The following CCDC141 variants were observed in gnomAD, a reference collection of about 807,000 sequenced individuals.
CCDC141 encodes coiled-coil domain-containing protein 141.
CCDC141 carries 168 observed loss-of-function variants against 181.0 expected under a neutral mutation model. The observed-to-expected ratio is 0.93, with a 90% CI of 0.82 to 1.05. CCDC141 has a LOEUF of 1.05. Ranked by LOEUF, CCDC141 falls within the 50% of genes least tolerant of loss-of-function variation. The pLI is 0.00. For synonymous variants in CCDC141, 666 were observed against 642.3 expected (o/e 1.04, Z -0.56); for missense variants, 1,902 against 1,788.5 (o/e 1.06, Z -1.14).
intron 2 of CCDC141, among the ~76,000 whole-genome samples, chr2:179,019,647 C>T (rs979322488): frequency 7.9e-5 from 12 of 152,110 alleles, no homozygotes; most frequent in African/African-American, 2.9e-4. Context: ...TAGGAAACTA[C>T]ACTTTAATAA....
intron 17 of CCDC141, among the ~76,000 whole-genome samples, chr2:178,860,543 CTTTTTTTTTT>C (rs71023458): frequency 0.1 from 5,275 of 51,470 alleles, 235 homozygotes; most frequent in Middle Eastern, 0.26. Context: ...AAAAACAACA[CTTTTTTTTTT>C]TTTTTTTTTT....
intron 2 of CCDC141, among the ~76,000 whole-genome samples, chr2:179,022,277 C>G (rs183547032): frequency 2.0e-5 from 3 of 152,146 alleles, no homozygotes; most frequent in African/African-American, 7.2e-5. Context: ...ACTGGGGAAT[C>G]TGAACTCTAC....
intron 1 of CCDC141, 99 bp downstream of exon 1, chr2:179,049,741 T>C (rs1437277805): frequency 3.8e-6 from 5 of 1,326,708 alleles, no homozygotes; most frequent in Non-Finnish European, 5.2e-6. Flanking sequence ...TTGTCTTCTC[T>C]ATGCTGTGTC....
chr2:178,975,122 G>C lies in CCDC141; in HGVS notation c.461C>G (p.Thr154Ser). Residue 154 changes from threonine (T) to serine (S), a missense_variant, in exon 4 of 24, where the codon ACT (threonine) becomes AGT (serine). Thr to Ser is a moderately conservative substitution (Grantham distance 58). Coordinates refer to ENST00000443758, the MANE Select transcript of CCDC141 (RefSeq NM_173648.4). ...IDQAEDFLQN[T>S]HEFESAESLK... The stretch of plus-strand genomic sequence containing the variant: ...GGACTCAGCACTCTCAAACTCATGA[G>C]TATTCTGGAGGAAATCTTCAGCTTG... 5 of 1,521,240 alleles carry C rather than the reference G, an allele frequency of 3.3e-6. No homozygotes were observed. The highest frequency in any genetic ancestry group is 4.4e-6 in the Non-Finnish European group (5 of 1,125,174). The allele number at this position is 1,521,240 out of a possible 1,614,324, so 94.2% of individuals were successfully genotyped here. A position where few individuals can be genotyped will look rare whatever the true frequency, so the allele number is the denominator to read the frequency against.
chr2:178,998,149 A>G (rs1398520952), intron 2 of CCDC141, among the ~76,000 whole-genome samples: 1 of 152,232 alleles, frequency 6.6e-6, no homozygotes, highest in Non-Finnish European at 1.5e-5. Context: ...TTTATACAGT[A>G]TTCTACAGCA....
At chr2:179,027,996 T>C (rs1452911335) in intron 2 of CCDC141, among the ~76,000 whole-genome samples, 1 of 152,196 alleles carries the variant, frequency 6.6e-6, no homozygotes, top group Non-Finnish European at 1.5e-5. Context: ...TTGTTCATTT[T>C]CACCTCCTTT....
intron 8 of CCDC141, among the ~76,000 whole-genome samples, chr2:178,893,597 T>C (rs1687257441): frequency 6.6e-6 from 1 of 152,184 alleles, no homozygotes; most frequent in Non-Finnish European, 1.5e-5. Flanking sequence ...CTTCTTTTAA[T>C]GGGAACCCGA....
chr2:178,840,471 C>T lies in CCDC141; in HGVS notation c.3475-2727G>A, dbSNP rs185874057. On this transcript the variant is annotated intron_variant, in intron 22 of 23. Transcript: ENST00000443758. ...AGACCCATCTCCCAACTCCTCAATC[C>T]CTGCTGGGGAGGAATTTATTTCCTA... 1.4e-3 allele frequency among the ~76,000 whole-genome samples: 209 copies of T among 152,256 alleles called. 5 individuals are homozygous for T. Among genetic ancestry groups the T allele is most frequent in the Non-Finnish European group, 3.7e-4 (25 of 68,028 alleles).
At chr2:178,827,657 G>A (rs1684145388), downstream of CCDC141, among the ~76,000 whole-genome samples, 1 of 152,026 alleles carries the variant, frequency 6.6e-6, no homozygotes. Flanking sequence ...AGGAAGCTGA[G>A]GTATTCTAGC....
At chr2:179,019,403 AT>A (rs1433403350) in intron 2 of CCDC141, among the ~76,000 whole-genome samples, 3 of 152,176 alleles carry the variant, frequency 2.0e-5, no homozygotes, top group African/African-American at 7.2e-5. Flanking sequence ...ATGTGAAGAC[AT>A]ATCAACACCA....
Position 178,837,578 on chromosome 2 carries a change from A to G in CCDC141, c.3641T>C (p.Ile1214Thr), listed in dbSNP as rs767577552. Reference protein sequence around the residue: ...EEYECVSPDDISLPPLPGSPE... With the variant: ...EEYECVSPDDTSLPPLPGSPE... ...GCTTCCTGGGAGAGGAGGCAAGGAG[A>G]TGTCATCAGGTGAGACACACTCATA... The change falls in exon 23 of 24, where the codon ATC becomes ACC. Residue 1214 changes from isoleucine to threonine, a missense_variant. Transcript: ENST00000443758. 1.9e-6 allele frequency: 3 copies of G among 1,613,724 alleles called. No individual in the cohort carries two copies. The highest frequency in any genetic ancestry group is 2.5e-6 in the Non-Finnish European group (3 of 1,179,890).
Position 178,853,555 on chromosome 2 carries a change from T to C in CCDC141, c.3130A>G (p.Thr1044Ala). ...RVGKYSTECKTKEAVKILHQQ... is the reference protein window; with the variant it reads ...RVGKYSTECKAKEAVKILHQQ... The stretch of plus-strand genomic sequence containing the variant: ...TGGAGAATTTTCACAGCTTCCTTTG[T>C]CTTGCACTCTGTGGAATATTTTCCA... The change falls in exon 20 of 24, where the codon ACA becomes GCA. Residue 1044 changes from threonine (T) to alanine (A), a missense_variant. Transcript: ENST00000443758. 6.2e-7 allele frequency: 1 copy of C among 1,614,112 alleles called. No individual in the cohort carries two copies. Among genetic ancestry groups the C allele is most frequent in the Non-Finnish European group, 8.5e-7 (1 of 1,179,986 alleles).
chr2:178,978,749 T>C (rs1691234806), intron 2 of CCDC141, 74 bp from the exon 3 acceptor site: 2 of 1,156,420 alleles, frequency 1.7e-6, no homozygotes, highest in African/African-American at 3.2e-5. Context: ...TTTTAAACAC[T>C]TGGATAGTAG....
chr2:178,824,325 C>T, the CCDC141 span, among the ~76,000 whole-genome samples: 19 of 152,100 alleles, frequency 1.2e-4, no homozygotes, highest in African/African-American at 4.3e-4. Context: ...GAATGAAACT[C>T]ATGTGCCAAG....
chr2:178,969,104 CAAAAAAAA>C (rs55999054), intron 4 of CCDC141, among the ~76,000 whole-genome samples: 7 of 51,172 alleles, frequency 1.4e-4, no homozygotes, highest in Admixed American at 5.4e-4. Context: ...GCTTACCAAC[CAAAAAAAA>C]AAAAAAAAAA....
At chr2:178,928,872 C>T (rs1234082529) in intron 6 of CCDC141, among the ~76,000 whole-genome samples, 1 of 152,118 alleles carries the variant, frequency 6.6e-6, no homozygotes, top group Non-Finnish European at 1.5e-5. Flanking sequence ...ATATGAAAAC[C>T]CCATCATTAT....
rs147916851 is a variant in CCDC141, at chr2:178,856,336, T to G, written c.2786A>C (p.Lys929Thr). The change falls in exon 18 of 24, where the codon AAG becomes ACG. Residue 929 changes from lysine (K) to threonine (T), a missense_variant. Physicochemically the swap from Lys to Thr is moderately conservative, Grantham distance 78. Transcript: ENST00000443758. The part of the protein sequence containing the change: ...KFNNLKFNYT[K>T]KNEKSRNLKA... ...CAGATTCCGAGATTTTTCATTTTTC[T>G]TAGTGTAATTAAACTTCAAATTATT... 3.1e-6 allele frequency: 5 copies of G among 1,610,188 alleles called. No homozygotes were observed. Among genetic ancestry groups the G allele is most frequent in the Non-Finnish European group, 4.2e-6 (5 of 1,177,248 alleles).
intron 2 of CCDC141, among the ~76,000 whole-genome samples, chr2:179,016,697 T>A (rs903172891): frequency 2.0e-5 from 3 of 152,040 alleles, no homozygotes; most frequent in African/African-American, 7.3e-5. Context: ...TAAGCAAGAA[T>A]AAACTTCTTT....
chr2:179,047,461 TCA>T, intron 1 of CCDC141, 55 bp from the exon 2 acceptor site: 1 of 1,353,346 alleles, frequency 7.4e-7, no homozygotes, highest in Non-Finnish European at 9.7e-7. Flanking sequence ...TCCTTCCTCT[TCA>T]CCCTTCTCAT....
Sources: allele counts gnomAD v4.1 joint callset (sites outside exome capture counted in the v4.1 genomes callset), GRCh38; gene constraint gnomAD v4.1.1; transcripts MANE v1.5; gene names NCBI Gene and HGNC (gene_info 2026-07-23, HGNC 2026-07-21).